Variants in DDB2 observed in about 807,000 individuals in gnomAD.
DDB2 encodes DNA damage-binding protein 2.
Under a neutral mutation model 50.5 loss-of-function variants are expected in DDB2, and 27 were observed. That is an observed-to-expected ratio of 0.53 (90% CI 0.39 to 0.74). The LOEUF (loss-of-function observed/expected upper bound fraction) is 0.74. Among genes scored for constraint, DDB2 ranks in the 30% least tolerant of loss-of-function variants. The pLI is 0.00. For missense variants in DDB2, 424 were observed against 545.6 expected, an observed-to-expected ratio of 0.78 and a Z score of 2.22; for synonymous variants, 176 against 205.5, an observed-to-expected ratio of 0.86 and a Z score of 1.23.
At chr11:47,229,701 G>C (rs1056847508) in intron 3 of DDB2, 2 of 321,102 alleles carry the variant, frequency 6.2e-6, no homozygotes, top group Non-Finnish European at 1.2e-5. Flanking sequence ...CAAATTTAAG[G>C]TTTTCAGTAT....
Position 47,232,807 on chromosome 11 carries a change from G to C in DDB2, c.457-7G>C, listed in dbSNP as rs375645261. 6.2e-6 allele frequency: 10 copies of C among 1,613,256 alleles called. No homozygotes were observed. The highest frequency in any genetic ancestry group is 2.2e-5 in the East Asian group (1 of 44,874). On this transcript the variant is annotated splice_region_variant and splice_polypyrimidine_tract_variant and intron_variant, in intron 3 of 9. Coordinates refer to ENST00000256996, the MANE Select transcript of DDB2 (RefSeq NM_000107.3). The stretch of plus-strand genomic sequence containing the variant: ...TCACTCACTGGCTTTTTCCTTCCTC[G>C]TGTTAGATTGGAGCTGGAGGGAGCA...
chr11:47,234,390 CTCTG>C (rs575479150), intron 4 of DDB2, among the ~76,000 whole-genome samples, 179 bp from the exon 5 acceptor site: 91 of 152,296 alleles, frequency 6.0e-4, no homozygotes, highest in African/African-American at 2.1e-3. Flanking sequence ...ATCCCATCCC[CTCTG>C]TCTGGACGGT....
chr11:47,235,239 C>T (rs1458992745), intron 6 of DDB2, 31 bp from the exon 7 acceptor site: 5 of 1,614,214 alleles, frequency 3.1e-6, no homozygotes, highest in Non-Finnish European at 4.2e-6. Context: ...GCTTGTGGTT[C>T]CTTCAGCTCA....
At chr11:47,219,710 G>T (rs1953454410) in intron 3 of DDB2, among the ~76,000 whole-genome samples, 1 of 152,142 alleles carries the variant, frequency 6.6e-6, no homozygotes, top group South Asian at 2.1e-4. Context: ...GCCGAATTCT[G>T]CTTCAGTCCA....
intron 3 of DDB2, chr11:47,220,437 AG>A (rs1487540402): frequency 2.6e-5 from 4 of 152,340 alleles, no homozygotes; most frequent in Admixed American, 2.6e-4. Context: ...AGGGTATTCT[AG>A]GGGAAGAGCT....
chr11:47,236,837 T>C (rs1416825916), intron 7 of DDB2, among the ~76,000 whole-genome samples: 1 of 152,254 alleles, frequency 6.6e-6, no homozygotes, highest in African/African-American at 2.4e-5. Context: ...TCTGTCTGCA[T>C]GTCCCAGTTT....
intron 1 of DDB2, 97 bp downstream of exon 1, chr11:47,215,360 C>T (rs1953385512): frequency 6.3e-7 from 1 of 1,591,250 alleles, no homozygotes; most frequent in Non-Finnish European, 8.6e-7. Flanking sequence ...TCCCGAGGCC[C>T]GCGCAGGTCA....
At position 47,216,962 on chromosome 11, in the gene DDB2, C is replaced by A. The variant is rs772637982; in HGVS notation, c.369C>A (p.His123Gln). 2 of 1,614,096 alleles carry A rather than the reference C, an allele frequency of 1.2e-6. No individual in the cohort carries two copies. Among genetic ancestry groups the A allele is most frequent in the Admixed American group, 3.3e-5 (2 of 59,998 alleles). The stretch of plus-strand genomic sequence containing the variant: ...CATCCTTGGCGTGGCACCCAACTCA[C>A]CCCAGCACCGTGGCTGTGGGTTCCA... Reference protein sequence around the residue: ...RATSLAWHPTHPSTVAVGSKG... With the variant: ...RATSLAWHPTQPSTVAVGSKG... Residue 123 changes from histidine to glutamine, a missense_variant, in exon 3 of 10, where the codon CAC (histidine) becomes CAA (glutamine). Physicochemically the swap from His to Gln is conservative, Grantham distance 24. Transcript: ENST00000256996.
intron 9 of DDB2, 87 bp from the exon 10 acceptor site, chr11:47,238,713 T>A (rs1953787494): frequency 6.8e-7 from 1 of 1,479,934 alleles, no homozygotes; most frequent in Non-Finnish European, 9.4e-7. Flanking sequence ...AGTATTTCTT[T>A]ACCAAATTGT....
chr11:47,215,072 G>A lies in DDB2; in HGVS notation c.-65G>A, dbSNP rs768981688. ...AGTCCCCGCCTTGTTTCTCCCCAGA[G>A]GCCTCTCAATCCTCCCTCCATGATC... On this transcript the variant is annotated 5_prime_UTR_variant, in exon 1 of 10. Coordinates refer to ENST00000256996, the MANE Select transcript of DDB2 (RefSeq NM_000107.3). 1.2e-6 allele frequency: 2 copies of A among 1,612,374 alleles called. No individual in the cohort carries two copies. Among genetic ancestry groups the A allele is most frequent in the Non-Finnish European group, 1.7e-6 (2 of 1,178,908 alleles).
At chr11:47,232,733 C>A (rs569078593) in intron 3 of DDB2, 81 bp from the exon 4 acceptor site, 2 of 1,521,096 alleles carry the variant, frequency 1.3e-6, no homozygotes, top group East Asian at 2.3e-5. Flanking sequence ...GCTTCTGTGA[C>A]GGCGCAGCAT....
intron 9 of DDB2, 98 bp downstream of exon 9, chr11:47,238,281 C>G (rs1953772741): frequency 9.0e-7 from 1 of 1,106,536 alleles, no homozygotes; most frequent in Non-Finnish European, 1.3e-6. Flanking sequence ...ACATTCACCC[C>G]AGGGCAGTGG....
chr11:47,221,865 G>A (rs1670386532), intron 3 of DDB2: 1 of 152,284 alleles, frequency 6.6e-6, no homozygotes, highest in Non-Finnish European at 1.5e-5. Flanking sequence ...ACAGGCACGA[G>A]CCACTGCACC....
chr11:47,221,435 G>A (rs1387258381), intron 3 of DDB2, among the ~76,000 whole-genome samples: 1 of 151,286 alleles, frequency 6.6e-6, no homozygotes, highest in Non-Finnish European at 1.5e-5. Context: ...CACCACACCA[G>A]CTAATTTTTG....
At chr11:47,221,908 A>T (rs1181357678) in intron 3 of DDB2, among the ~76,000 whole-genome samples, 1 of 152,186 alleles carries the variant, frequency 6.6e-6, no homozygotes, top group Admixed American at 6.5e-5. Flanking sequence ...ATCTTTATTG[A>T]GGTATAGTGG....
intron 3 of DDB2, among the ~76,000 whole-genome samples, chr11:47,231,827 CA>C (rs2135507685): frequency 6.6e-6 from 1 of 152,140 alleles, no homozygotes; most frequent in South Asian, 2.1e-4. Flanking sequence ...TCTATGAGGG[CA>C]AAACAATAGT....
chr11:47,235,484 G>A (rs1233991017), intron 7 of DDB2, 72 bp downstream of exon 7: 3 of 1,531,550 alleles, frequency 2.0e-6, no homozygotes, highest in Non-Finnish European at 2.7e-6. Flanking sequence ...TGCCCACAGT[G>A]GGGAAGGGCT....
At chr11:47,236,493 A>G (rs1953727808) in intron 7 of DDB2, among the ~76,000 whole-genome samples, 2 of 152,198 alleles carry the variant, frequency 1.3e-5, no homozygotes, top group South Asian at 4.1e-4. Context: ...TGGTCAGTTC[A>G]GAATAGTGGT....
At chr11:47,230,418 A>T (rs1024762602) in intron 3 of DDB2, among the ~76,000 whole-genome samples, 4 of 152,216 alleles carry the variant, frequency 2.6e-5, no homozygotes, top group Non-Finnish European at 5.9e-5. Flanking sequence ...CGGCTTTTAT[A>T]GTAGTAATAA....
Sources: allele counts gnomAD v4.1 joint callset (sites outside exome capture counted in the v4.1 genomes callset), GRCh38; gene constraint gnomAD v4.1.1; transcripts MANE v1.5; gene names NCBI Gene and HGNC (gene_info 2026-07-23, HGNC 2026-07-21).